RHOBTB3: variants seen among roughly 807,000 people sequenced by gnomAD.
RHOBTB3 encodes the protein Rho related BTB domain containing 3, also known as rho-related BTB domain-containing protein 3.
Under a neutral mutation model 67.2 loss-of-function variants are expected in RHOBTB3, and 47 were observed. The observed-to-expected ratio is 0.70, with a 90% confidence interval of 0.55 to 0.89. RHOBTB3 has a LOEUF of 0.89. Ranked by LOEUF, RHOBTB3 falls within the 40% of genes least tolerant of loss-of-function variation. The pLI, the probability that RHOBTB3 is intolerant of heterozygous loss-of-function variation, is 0.00. For missense variants in RHOBTB3, 631 were observed against 750.0 expected, an observed-to-expected ratio of 0.84 and a Z score of 1.85; for synonymous variants, 273 against 274.2, an observed-to-expected ratio of 1.00 and a Z score of 0.04.
At position 95,793,361 on chromosome 5, in the gene RHOBTB3, A is replaced by G; in HGVS notation, c.*187A>G. 2.3e-6 allele frequency: 1 copy of G among 443,210 alleles called. No homozygotes were observed. The highest frequency in any genetic ancestry group is 4.0e-6 in the Non-Finnish European group (1 of 251,190). 27.5% of individuals were successfully genotyped at this position (443,210 alleles called of 1,614,324 possible). ...GTGGTCTTAAAAGGGAACAAAATAT[A>G]CCATAGGCTAAAACTAAGGCTTTCA... On this transcript the variant is annotated 3_prime_UTR_variant, in exon 12 of 12. Transcript: ENST00000379982.
At chr5:95,773,186 G>A (rs368297414) in intron 8 of RHOBTB3, among the ~76,000 whole-genome samples, 12 of 152,174 alleles carry the variant, frequency 7.9e-5, no homozygotes, top group South Asian at 2.1e-4. Context: ...TCCTAATGGC[G>A]TGCTTTTCTT....
intron 11 of RHOBTB3, chr5:95,789,221 C>T (rs1746306102): frequency 5.6e-6 from 1 of 178,826 alleles, no homozygotes; most frequent in Non-Finnish European, 1.2e-5. Flanking sequence ...TTAAACAGTA[C>T]AGATTTAAAA....
Position 95,731,590 on chromosome 5 carries a change from C to T in RHOBTB3, c.-93C>T. The T allele has an allele frequency of 6.4e-7, 1 of 1,574,546 alleles. No individual in the cohort carries two copies. Among genetic ancestry groups the T allele is most frequent in the Non-Finnish European group, 8.6e-7 (1 of 1,161,028 alleles). Reference sequence around the variant, plus strand: ...CGAGGGGGACGCGGCCGGGGATGAGCGGATTGCGGGTGAACTCGCCGCCCG... The same window carrying T: ...CGAGGGGGACGCGGCCGGGGATGAGTGGATTGCGGGTGAACTCGCCGCCCG... On this transcript the variant is annotated 5_prime_UTR_variant, in exon 1 of 12. Coordinates refer to ENST00000379982, the MANE Select transcript of RHOBTB3 (RefSeq NM_014899.4).
At position 95,793,196 on chromosome 5, in the gene RHOBTB3, A is replaced by G. The variant is rs202048839; in HGVS notation, c.*22A>G. On this transcript the variant is annotated 3_prime_UTR_variant, in exon 12 of 12. Transcript: ENST00000379982. ...GTAACCTGGAGCTTTTATACACTAC[A>G]TTTCTTTTTTATTATTATGAAGAAT... The G allele has an allele frequency of 2.1e-6, 3 of 1,451,378 alleles. No individual in the cohort carries two copies. The African/African-American group carries it at 4.3e-5, about 21-fold the overall frequency. The allele number at this position is 1,451,378 out of a possible 1,614,324, so 89.9% of individuals were successfully genotyped here. A position where few individuals can be genotyped will look rare whatever the true frequency, so the allele number is the denominator to read the frequency against.
At chr5:95,736,349 T>C (rs1755454728) in intron 2 of RHOBTB3, among the ~76,000 whole-genome samples, 1 of 152,214 alleles carries the variant, frequency 6.6e-6, no homozygotes, top group Non-Finnish European at 1.5e-5. Context: ...ATTCATACTC[T>C]TTATATACAG....
At chr5:95,720,072 C>G (rs927623904) in intron 1 of RHOBTB3, among the ~76,000 whole-genome samples, 22 of 152,188 alleles carry the variant, frequency 1.4e-4, no homozygotes, top group African/African-American at 2.7e-4. Flanking sequence ...AGTCTCATTA[C>G]AAATGAGCAA....
chr5:95,773,964 A>G (rs1745795649), intron 8 of RHOBTB3, among the ~76,000 whole-genome samples: 1 of 152,220 alleles, frequency 6.6e-6, no homozygotes, highest in South Asian at 2.1e-4. Flanking sequence ...GCAAATCACC[A>G]ATCTACTTCA....
Position 95,741,335 on chromosome 5 carries a change from A to AG in RHOBTB3, c.415+4260_415+4261insG, listed in dbSNP as rs1319055421. 2.9e-3 allele frequency among the ~76,000 whole-genome samples: 437 copies of AG among 151,406 alleles called. 4 individuals carry two copies. Among genetic ancestry groups the AG allele is most frequent in the African/African-American group, 0.01 (419 of 41,326 alleles). On this transcript the variant is annotated intron_variant, in intron 3 of 11. Transcript: ENST00000379982. ...AGAGCGAGACTCTGACTAAAAAAAA[A>AG]AAAAGAAAAGAAAAAAAAAAGAGAT...
intron 2 of RHOBTB3, chr5:95,732,314 T>C (rs1755308295): frequency 1.7e-6 from 1 of 605,976 alleles, no homozygotes; most frequent in Non-Finnish European, 2.9e-6. Flanking sequence ...TGTGGAGCAC[T>C]TACTGGTACA....
chr5:95,793,157 C>T lies in RHOBTB3; in HGVS notation c.1819C>T (p.Arg607Cys), dbSNP rs767205027. 8.7e-6 allele frequency: 14 copies of T among 1,608,852 alleles called. No homozygotes were observed. Among genetic ancestry groups the T allele is most frequent in the Admixed American group, 6.7e-5 (4 of 59,494 alleles). Residue 607 changes from arginine to cysteine, a missense_variant, in exon 12 of 12, where the codon CGT (arginine) becomes TGT (cysteine). Physicochemically the swap from Arg to Cys is radical, Grantham distance 180. Transcript: ENST00000379982. Reference sequence around the variant, plus strand: ...GAAGTATATTCACTCCCGGAAATGTCGTTGCTTAGTAATGTAACCTGGAGC... The same window carrying T: ...GAAGTATATTCACTCCCGGAAATGTTGTTGCTTAGTAATGTAACCTGGAGC... ...YRKYIHSRKC[R>C]CLVM is the part of the protein sequence containing the mutation.
rs748303313 is a variant in RHOBTB3 at position 95,748,389 on chromosome 5, A to C, written c.472A>C (p.Thr158Pro). Residue 158 changes from threonine to proline, a missense_variant, in exon 4 of 12, where the codon ACA (threonine) becomes CCA (proline). Thr to Pro is a conservative substitution (Grantham distance 38, BLOSUM62 -1). Transcript: ENST00000379982. The stretch of plus-strand genomic sequence containing the variant: ...CTCAGACAGAGGGAGCTGTGTTAGT[A>C]CAACTGAAGGGATCCAACTTGCAAA... ...CTSDRGSCVS[T>P]TEGIQLAKEL... is the part of the protein sequence containing the mutation. 5.0e-6 allele frequency: 8 copies of C among 1,613,546 alleles called. No homozygotes were observed. In the Admixed American group the frequency reaches 1.3e-4, roughly 27 times the overall value.
At chr5:95,727,752 A>C (rs564694955), upstream of RHOBTB3, among the ~76,000 whole-genome samples, 1 of 152,274 alleles carries the variant, frequency 6.6e-6, no homozygotes, top group Non-Finnish European at 1.5e-5. Flanking sequence ...AAATTATGAA[A>C]AGATCTTTAG....
chr5:95,780,007 A>G, intron 8 of RHOBTB3: 1 of 451,470 alleles, frequency 2.2e-6, no homozygotes, highest in South Asian at 5.4e-5. Context: ...GGAAATACAA[A>G]CTAAGTAACA....
At chr5:95,729,152 G>A (rs1250871214), upstream of RHOBTB3, among the ~76,000 whole-genome samples, 2 of 152,220 alleles carry the variant, frequency 1.3e-5, 1 homozygote. Context: ...TGCCTATGGA[G>A]TAGCCATTAT....
At chr5:95,720,327 T>TC (rs1453443872) in intron 1 of RHOBTB3, among the ~76,000 whole-genome samples, 9 of 91,610 alleles carry the variant, frequency 9.8e-5, no homozygotes, top group African/African-American at 7.6e-4. Flanking sequence ...TCTATTTAGA[T>TC]CAATTCACTT....
chr5:95,768,210 T>C, intron 8 of RHOBTB3, 44 bp downstream of exon 8: 1 of 1,563,384 alleles, frequency 6.4e-7, no homozygotes, highest in South Asian at 1.2e-5. Context: ...TTTTTATTTC[T>C]TGTTTTCTTT....
intron 11 of RHOBTB3, among the ~76,000 whole-genome samples, chr5:95,790,200 G>A (rs143120398): frequency 5.8e-4 from 89 of 152,306 alleles, no homozygotes; most frequent in African/African-American, 2.1e-3. Context: ...TATTAGCTAT[G>A]TACTTTGTGC....
At chr5:95,749,352 G>C (rs1745023072) in intron 4 of RHOBTB3, among the ~76,000 whole-genome samples, 1 of 152,184 alleles carries the variant, frequency 6.6e-6, no homozygotes, top group Non-Finnish European at 1.5e-5. Flanking sequence ...TTAAAATGTT[G>C]AGGTTCCACA....
chr5:95,731,487 G>A lies in RHOBTB3; in HGVS notation c.-196G>A, dbSNP rs1580389771. 2 of 1,236,860 alleles carry A rather than the reference G, an allele frequency of 1.6e-6. No individual in the cohort carries two copies. Among genetic ancestry groups the A allele is most frequent in the East Asian group, 3.5e-5 (1 of 28,656 alleles). The allele number at this position is 1,236,860 out of a possible 1,614,324, so 76.6% of individuals were successfully genotyped here. Reference sequence around the variant, plus strand: ...CAGCTTATCCCCCGCCCGCTAGCCCGCCCTGGTCCCCGGCTCGCTCGCTGG... The same window carrying A: ...CAGCTTATCCCCCGCCCGCTAGCCCACCCTGGTCCCCGGCTCGCTCGCTGG... On this transcript the variant is annotated 5_prime_UTR_variant, in exon 1 of 12. Transcript: ENST00000379982.
Sources: gnomAD v4.1 joint callset for allele counts (sites outside exome capture counted in the v4.1 genomes callset) on GRCh38, gnomAD v4.1.1 for gene constraint, MANE v1.5 for transcripts, NCBI Gene and HGNC (gene_info 2026-07-23, HGNC 2026-07-21) for gene names.